The following U2AF2 variants were observed in gnomAD, a reference collection of about 807,000 sequenced individuals.
U2AF2 encodes the protein U2 small nuclear RNA auxiliary factor 2, also known as splicing factor U2AF 65 kDa subunit.
U2AF2 carries 6 observed loss-of-function variants against 52.6 expected under a neutral mutation model. That is an observed-to-expected ratio of 0.11 (90% CI 0.06 to 0.23). U2AF2 has a LOEUF of 0.23. Among genes scored for constraint, U2AF2 ranks in the 10% least tolerant of loss-of-function variants. The probability of loss-of-function intolerance (pLI) is 1.00; values close to 1 mark genes in which losing one functional copy is unlikely to be tolerated. For missense variants in U2AF2, 222 were observed against 677.1 expected, an observed-to-expected ratio of 0.33 and a Z score of 7.46; for synonymous variants, 284 against 258.2, an observed-to-expected ratio of 1.10 and a Z score of -0.96.
intron 1 of U2AF2, 57 bp downstream of exon 1, chr19:55,655,210 GC>G (rs993850077): frequency 4.0e-6 from 6 of 1,506,724 alleles, no homozygotes; most frequent in South Asian, 1.2e-5. Context: ...GTCGCTCTTT[GC>G]CCCCCCGCCA....
intron 1 of U2AF2, among the ~76,000 whole-genome samples, chr19:55,655,585 C>T (rs1417353470): frequency 1.3e-5 from 2 of 152,270 alleles, no homozygotes; most frequent in African/African-American, 2.4e-5. Flanking sequence ...CGTCTCCACG[C>T]CCCCTTTGTT....
Position 55,668,819 on chromosome 19 carries a change from C to T in U2AF2, c.945+27C>T, listed in dbSNP as rs376410387. 65 of 1,599,768 alleles carry T rather than the reference C, an allele frequency of 4.1e-5. 2 individuals carry two copies. The highest frequency in any genetic ancestry group is 2.9e-4 in the South Asian group (26 of 90,274). Reference sequence around the variant, plus strand: ...TGAGTCCCCGGTCGCTGGCCGCTGCCGCGTCTGTCCTTCCCTGCCCTGCGC... The same window carrying T: ...TGAGTCCCCGGTCGCTGGCCGCTGCTGCGTCTGTCCTTCCCTGCCCTGCGC... On this transcript the variant is annotated intron_variant, in intron 9 of 11. Transcript: ENST00000308924. This position sits in a 1 kb window ranked among gnomAD's most constrained non-coding sequence, Gnocchi z 5.5.
chr19:55,663,111 T>C (rs1047735040), intron 6 of U2AF2, among the ~76,000 whole-genome samples: 1 of 152,186 alleles, frequency 6.6e-6, no homozygotes, highest in Non-Finnish European at 1.5e-5. Context: ...TGAAGTATTG[T>C]GAAGGTGTGG....
chr19:55,661,167 A>G lies in U2AF2; in HGVS notation c.464A>G (p.Asn155Ser). 1 of 1,609,358 alleles carries G rather than the reference A, an allele frequency of 6.2e-7. No individual in the cohort carries two copies. The highest frequency in any genetic ancestry group is 8.5e-7 in the Non-Finnish European group (1 of 1,177,772). ...TRQARRLYVG[N>S]IPFGITEEAM... Reference sequence around the variant, plus strand: ...CAAGCCCGGCGCCTCTACGTGGGCAACATCCCCTTTGGCATCACTGAGGTA... The same window carrying G: ...CAAGCCCGGCGCCTCTACGTGGGCAGCATCCCCTTTGGCATCACTGAGGTA... Residue 155 changes from asparagine to serine, a missense_variant, in exon 5 of 12, where the codon AAC (asparagine) becomes AGC (serine). Asn to Ser is a conservative substitution (Grantham distance 46). Coordinates refer to ENST00000308924, the MANE Select transcript of U2AF2 (RefSeq NM_007279.3).
At chr19:55,664,556 A>T (rs1984422019) in intron 7 of U2AF2, among the ~76,000 whole-genome samples, 1 of 152,162 alleles carries the variant, frequency 6.6e-6, no homozygotes, top group African/African-American at 2.4e-5. Context: ...GGCCTGGGAC[A>T]TGGAGGAGGT....
rs895596693 is a variant in U2AF2, at chr19:55,674,602, T to C, written c.*534T>C. 1.3e-5 allele frequency: 2 copies of C among 153,716 alleles called. No homozygotes were observed. Among genetic ancestry groups the C allele is most frequent in the Non-Finnish European group, 2.9e-5 (2 of 68,730 alleles). The allele number at this position is 153,716 out of a possible 1,614,324, so 9.5% of individuals were successfully genotyped here. A position where few individuals can be genotyped will look rare whatever the true frequency, so the allele number is the denominator to read the frequency against. ...TACGTAGTTGATTTTTCCTCTTTAG[T>C]CTCCCCCGACCTGCGCCCAGCCCCG... On this transcript the variant is annotated 3_prime_UTR_variant, in exon 12 of 12. Coordinates refer to ENST00000308924, the MANE Select transcript of U2AF2 (RefSeq NM_007279.3).
chr19:55,661,549 C>T (rs1184707675), intron 5 of U2AF2, among the ~76,000 whole-genome samples: 6 of 151,380 alleles, frequency 4.0e-5, no homozygotes, highest in Non-Finnish European at 7.4e-5. Context: ...CACAGACGCA[C>T]GCTGCCCCTC....
At chr19:55,657,815 C>T (rs117365425) in intron 1 of U2AF2, among the ~76,000 whole-genome samples, 246 of 152,306 alleles carry the variant, frequency 1.6e-3, no homozygotes, top group Non-Finnish European at 2.6e-3. Flanking sequence ...ATTCTGGTGT[C>T]ACCATTTCCT....
At chr19:55,660,438 C>T in intron 3 of U2AF2, 78 bp from the exon 4 acceptor site, 2 of 1,188,048 alleles carry the variant, frequency 1.7e-6, no homozygotes, top group Non-Finnish European at 2.4e-6. Context: ...TGAAAGGGTG[C>T]CTGGGAGGGG....
chr19:55,658,069 A>G (rs1460280162), intron 1 of U2AF2, among the ~76,000 whole-genome samples: 2 of 152,220 alleles, frequency 1.3e-5, no homozygotes, highest in Non-Finnish European at 2.9e-5. Context: ...TTCACATTGC[A>G]TCGCAAAAAC....
chr19:55,655,177 C>T (rs1342608193), intron 1 of U2AF2, 24 bp downstream of exon 1: 13 of 1,598,416 alleles, frequency 8.1e-6, no homozygotes, highest in Non-Finnish European at 6.0e-6. Flanking sequence ...GGTCGCGGGG[C>T]GGAGGTGTGG....
intron 1 of U2AF2, 29 bp from the exon 2 acceptor site, chr19:55,659,181 C>A: frequency 6.6e-7 from 1 of 1,521,800 alleles, no homozygotes; most frequent in Non-Finnish European, 8.9e-7. Context: ...CTCCGCTTAT[C>A]CCGTGCCCCT....
intron 1 of U2AF2, among the ~76,000 whole-genome samples, chr19:55,656,052 G>A (rs1418237184): frequency 6.6e-6 from 1 of 152,232 alleles, no homozygotes; most frequent in African/African-American, 2.4e-5. Context: ...TACGGGGAAG[G>A]TGGGAGGCAG....
intron 7 of U2AF2, 47 bp downstream of exon 7, chr19:55,663,791 C>A (rs774297269): frequency 6.2e-7 from 1 of 1,608,090 alleles, no homozygotes; most frequent in Non-Finnish European, 8.5e-7. Flanking sequence ...CAGTCCTGTT[C>A]CCATGGCCTG....
chr19:55,660,195 C>T lies in U2AF2; in HGVS notation c.204C>T (p.Gly68=), dbSNP rs751579703. 13 of 1,604,894 alleles carry T rather than the reference C, an allele frequency of 8.1e-6. No individual in the cohort carries two copies. The highest frequency in any genetic ancestry group is 1.7e-5 in the Admixed American group (1 of 59,172). ...CCCCCAGCAAACCTTTGACCAGAGG[C>T]GCTAAAGAGGAGCACGGTGGACTGA... ...RRRRSKPLTR[G]AKEEHGGLIR... The change falls in exon 3 of 12, where the codon GGC becomes GGT. Residue 68 remains glycine (G), a synonymous_variant. Coordinates refer to ENST00000308924, the MANE Select transcript of U2AF2 (RefSeq NM_007279.3).
At chr19:55,660,286 C>T (rs911076072) in intron 3 of U2AF2, 65 bp downstream of exon 3, 10 of 1,552,824 alleles carry the variant, frequency 6.4e-6, no homozygotes, top group Admixed American at 5.4e-5. Flanking sequence ...CACGCCCGTG[C>T]ACCCTGTCCC....
intron 7 of U2AF2, among the ~76,000 whole-genome samples, chr19:55,667,543 C>T (rs1436282388): frequency 6.6e-6 from 1 of 152,134 alleles, no homozygotes; most frequent in Non-Finnish European, 1.5e-5. Context: ...GGATCGAGGG[C>T]CAGTAAATTC....
At chr19:55,673,030 C>T (rs1027592586) in intron 11 of U2AF2, among the ~76,000 whole-genome samples, 2 of 151,892 alleles carry the variant, frequency 1.3e-5, no homozygotes, top group African/African-American at 4.8e-5. Context: ...GCATCCTTCA[C>T]CTCCCGAGTT....
chr19:55,658,273 G>T (rs1451663249), intron 1 of U2AF2, among the ~76,000 whole-genome samples: 1 of 152,106 alleles, frequency 6.6e-6, no homozygotes, highest in African/African-American at 2.4e-5. Flanking sequence ...TAAGGAAATG[G>T]TGTGGCGGTG....
Sources: gnomAD v4.1 joint callset for allele counts (sites outside exome capture counted in the v4.1 genomes callset) on GRCh38, gnomAD v4.1.1 for gene constraint, Gnocchi (gnomAD v3.1) non-coding constraint, MANE v1.5 for transcripts, NCBI Gene and HGNC (gene_info 2026-07-23, HGNC 2026-07-21) for gene names.